SSH2: variants seen among roughly 807,000 people sequenced by gnomAD.
The protein encoded by SSH2 is slingshot protein phosphatase 2, also known as protein phosphatase Slingshot homolog 2.
In SSH2, 37 loss-of-function variants were observed where a neutral mutation model predicts 135.2. That is an observed-to-expected ratio of 0.27 (90% CI 0.21 to 0.36). The LOEUF (loss-of-function observed/expected upper bound fraction) is 0.36, where lower values mean the gene tolerates loss of function less well. Ranked by LOEUF, SSH2 falls within the 10% of genes least tolerant of loss-of-function variation. SSH2 has a pLI of 1.00. For synonymous variants in SSH2, 628 were observed against 646.2 expected, an observed-to-expected ratio of 0.97 and a Z score of 0.43; for missense variants, 1,408 against 1,765.3, an observed-to-expected ratio of 0.80 and a Z score of 3.63.
intron 3 of SSH2, chr17:29,787,757 G>C (rs370744947): frequency 6.6e-6 from 1 of 151,046 alleles, no homozygotes; most frequent in African/African-American, 2.4e-5. Context: ...TAAGAGACAG[G>C]GTCTTGTACT....
chr17:29,764,480 G>C (rs934835338), intron 3 of SSH2, among the ~76,000 whole-genome samples: 3 of 152,178 alleles, frequency 2.0e-5, no homozygotes, highest in Admixed American at 6.5e-5. Flanking sequence ...CTGTACCCAT[G>C]CATCTAGGAA....
intron 3 of SSH2, among the ~76,000 whole-genome samples, chr17:29,727,149 T>A (rs2040029077): frequency 6.6e-6 from 1 of 152,180 alleles, no homozygotes; most frequent in African/African-American, 2.4e-5. Context: ...GATATGACAA[T>A]ATACTAATGG....
chr17:29,795,995 G>A (rs1417288607), intron 2 of SSH2, among the ~76,000 whole-genome samples: 1 of 152,138 alleles, frequency 6.6e-6, no homozygotes, highest in Non-Finnish European at 1.5e-5. Flanking sequence ...CACCCCCATC[G>A]GCCTCCCAGA....
intron 12 of SSH2, among the ~76,000 whole-genome samples, chr17:29,651,437 G>A (rs3110495): frequency 0.42 from 63,619 of 151,840 alleles, 14,803 homozygotes; most frequent in East Asian, 0.68. Context: ...CGATGTATCC[G>A]AAGATTCTTC....
chr17:29,725,119 G>A (rs1333518842), intron 3 of SSH2, among the ~76,000 whole-genome samples: 1 of 150,680 alleles, frequency 6.6e-6, no homozygotes, highest in African/African-American at 2.4e-5. Context: ...AGGCCAAGAC[G>A]GGCAGATCAC....
chr17:29,706,398 G>GGGT (rs780508045), intron 3 of SSH2, among the ~76,000 whole-genome samples: 13 of 152,140 alleles, frequency 8.5e-5, no homozygotes, highest in Non-Finnish European at 1.5e-4. Flanking sequence ...TGCTGGCTGG[G>GGGT]GGTGGTGGTG....
intron 4 of SSH2, among the ~76,000 whole-genome samples, chr17:29,698,981 A>G (rs558681149): frequency 7.0e-4 from 107 of 152,294 alleles, no homozygotes; most frequent in Non-Finnish European, 1.8e-4. Context: ...CAGGAGTCCT[A>G]CTCAAGTAAG....
intron 6 of SSH2, among the ~76,000 whole-genome samples, chr17:29,684,086 C>G (rs1453128328): frequency 6.6e-6 from 1 of 152,214 alleles, no homozygotes; most frequent in African/African-American, 2.4e-5. Flanking sequence ...AAGACATTCA[C>G]TAAACATTCT....
At chr17:29,722,873 G>C (rs1489097885) in intron 3 of SSH2, among the ~76,000 whole-genome samples, 2 of 152,236 alleles carry the variant, frequency 1.3e-5, no homozygotes, top group African/African-American at 4.8e-5. Flanking sequence ...TGCAGTGAGA[G>C]AGGGGTGGAG....
intron 1 of SSH2, among the ~76,000 whole-genome samples, chr17:29,913,350 A>AT (rs2066814078): frequency 9.7e-5 from 3 of 30,876 alleles, no homozygotes; most frequent in East Asian, 1.7e-3. Flanking sequence ...AAAAAAAAAT[A>AT]TATATATATA....
intron 1 of SSH2, among the ~76,000 whole-genome samples, chr17:29,907,623 C>G (rs1397785054): frequency 6.6e-6 from 1 of 152,202 alleles, no homozygotes; most frequent in African/African-American, 2.4e-5. Context: ...AGTCTTATTG[C>G]CCCATGGCCT....
At chr17:29,832,868 T>A (rs190121522) in intron 2 of SSH2, among the ~76,000 whole-genome samples, 8 of 152,208 alleles carry the variant, frequency 5.3e-5, no homozygotes, top group African/African-American at 1.9e-4. Context: ...AGTTTTACCA[T>A]GTTGGCCAGG....
At chr17:29,711,202 G>T (rs1320455009) in intron 3 of SSH2, among the ~76,000 whole-genome samples, 4 of 152,144 alleles carry the variant, frequency 2.6e-5, no homozygotes, top group African/African-American at 9.7e-5. Flanking sequence ...CTTAAACTCT[G>T]TTGCACAATG....
At chr17:29,661,061 CAAAA>C (rs374216221) in intron 11 of SSH2, among the ~76,000 whole-genome samples, 3 of 48,330 alleles carry the variant, frequency 6.2e-5, no homozygotes, top group South Asian at 1.5e-3. Context: ...AATTCCATCT[CAAAA>C]AAAAAAAAAA....
intron 3 of SSH2, among the ~76,000 whole-genome samples, chr17:29,727,012 A>T (rs2040023371): frequency 1.3e-5 from 2 of 152,184 alleles, no homozygotes; most frequent in African/African-American, 4.8e-5. Context: ...ATTCTTCCTT[A>T]TGTCATTTTG....
At chr17:29,676,136 C>G (rs1301055249) in intron 8 of SSH2, 7 of 152,030 alleles carry the variant, frequency 4.6e-5, no homozygotes. Context: ...GAATGCTATC[C>G]CTGGTTACCT....
rs1245638233 is a variant in SSH2 at position 29,632,374 on chromosome 17, T to C, written c.2820A>G (p.Lys940=). 6.2e-7 allele frequency: 1 copy of C among 1,613,934 alleles called. No individual in the cohort carries two copies. Among genetic ancestry groups the C allele is most frequent in the African/African-American group, 1.3e-5 (1 of 74,910 alleles). ...AATGTTCTGGGGGGGCTTCATCACT[T>C]TTCCCTTTTGGTGCTAGGTCTGCCA... is the stretch of plus-strand genomic sequence containing the variant. The part of the protein sequence containing the change: ...SSVADLAPKG[K]SDEAPPEHSF... The change falls in exon 16 of 16, where the codon AAA becomes AAG. Residue 940 remains lysine, a synonymous_variant. Transcript: ENST00000540801.
chr17:29,720,014 C>T (rs2039768089), intron 3 of SSH2, among the ~76,000 whole-genome samples: 1 of 152,220 alleles, frequency 6.6e-6, no homozygotes, highest in Non-Finnish European at 1.5e-5. Context: ...CTGCCTTGGC[C>T]TACTAAAGTG....
chr17:29,778,569 G>A (rs1046672547), intron 3 of SSH2, among the ~76,000 whole-genome samples: 3 of 152,050 alleles, frequency 2.0e-5, no homozygotes, highest in Admixed American at 6.5e-5. Flanking sequence ...GAATCCAGGA[G>A]GCGGAGGTTG....
Sources: gnomAD v4.1 joint callset for allele counts (sites outside exome capture counted in the v4.1 genomes callset) on GRCh38, gnomAD v4.1.1 for gene constraint, MANE v1.5 for transcripts, NCBI Gene and HGNC (gene_info 2026-07-23, HGNC 2026-07-21) for gene names.